Variants in SPAG17 observed in about 807,000 individuals in gnomAD.
The protein encoded by SPAG17 is sperm associated antigen 17.
In SPAG17, 169 loss-of-function variants were observed where a neutral mutation model predicts 273.6. The observed-to-expected ratio is 0.62, with a 90% CI of 0.55 to 0.70. SPAG17 has a LOEUF of 0.70. Ranked by LOEUF, SPAG17 falls within the 30% of genes least tolerant of loss-of-function variation. The pLI is 0.00. For synonymous variants in SPAG17, 825 were observed against 873.2 expected (o/e 0.94, Z 0.97); for missense variants, 2,557 against 2,627.8 (o/e 0.97, Z 0.59).
chr1:117,994,574 T>G, intron 34 of SPAG17, 44 bp from the exon 35 acceptor site: 2 of 1,563,908 alleles, frequency 1.3e-6, no homozygotes, highest in Non-Finnish European at 1.7e-6. Context: ...CCATTGAAAG[T>G]ACTCAGAGAA....
intron 4 of SPAG17, 129 bp downstream of exon 4, chr1:118,115,181 G>A: frequency 2.0e-6 from 2 of 991,586 alleles, no homozygotes; most frequent in Non-Finnish European, 3.1e-6. Context: ...AGAAGTTGAG[G>A]TGACAGCCAA....
rs550166996 is a variant in SPAG17 at position 118,084,051 on chromosome 1, G to A, written c.1762+1871C>T. On this transcript the variant is annotated intron_variant, in intron 13 of 48. Coordinates refer to ENST00000336338, the MANE Select transcript of SPAG17 (RefSeq NM_206996.4). ...AGCAGGAACAAAAATGCTGTGCTGC[G>A]TAGAGAGCTGAGCTGAAGGGAGAAT... Among the ~76,000 whole-genome samples, 16 of 152,240 alleles carry A rather than the reference G, an allele frequency of 1.1e-4. No individual in the cohort carries two copies. The East Asian group carries it at 1.5e-3, about 15-fold the overall frequency.
intron 45 of SPAG17, among the ~76,000 whole-genome samples, chr1:117,971,242 A>C (rs1242495937): frequency 6.6e-6 from 1 of 152,222 alleles, no homozygotes; most frequent in Non-Finnish European, 1.5e-5. Context: ...GGTTTGGTAG[A>C]GGTATATGGT....
intron 30 of SPAG17, among the ~76,000 whole-genome samples, chr1:118,010,055 G>C (rs1467270291): frequency 3.9e-5 from 6 of 152,046 alleles, no homozygotes; most frequent in Non-Finnish European, 8.8e-5. Flanking sequence ...TGCAAGTAGA[G>C]AGTAGAATGG....
Position 117,966,604 on chromosome 1 carries a change from G to T in SPAG17, c.6532+5C>A. ...TGATTACTCAAGTTGAACTTTAAAG[G>T]ATATTTGCTTCCACAGGTAGGAACA... is the stretch of plus-strand genomic sequence containing the variant. On this transcript the variant is annotated splice_donor_5th_base_variant and intron_variant, in intron 47 of 48. Transcript: ENST00000336338. 6.2e-7 allele frequency: 1 copy of T among 1,600,630 alleles called. No homozygotes were observed. Among genetic ancestry groups the T allele is most frequent in the Non-Finnish European group, 8.5e-7 (1 of 1,175,362 alleles).
At chr1:117,954,336 C>T (rs1282532056) in intron 48 of SPAG17, among the ~76,000 whole-genome samples, 1 of 152,042 alleles carries the variant, frequency 6.6e-6, no homozygotes, top group African/African-American at 2.4e-5. Flanking sequence ...TAGAAACCCA[C>T]GTTCTATGTT....
At position 117,973,437 on chromosome 1, in the gene SPAG17, T is replaced by G; in HGVS notation, c.6129A>C (p.Gln2043His). 2 of 1,613,272 alleles carry G rather than the reference T, an allele frequency of 1.2e-6. No homozygotes were observed. Among genetic ancestry groups the G allele is most frequent in the Non-Finnish European group, 1.7e-6 (2 of 1,179,440 alleles). ...HYLLSSKPKS[Q>H]PLAKVQDSVG... Reference sequence around the variant, plus strand: ...ATGTTTGTTTTACCTTTGCAAGAGGTTGAGACTTAGGCTTGGAACTCAGCA... The same window carrying G: ...ATGTTTGTTTTACCTTTGCAAGAGGGTGAGACTTAGGCTTGGAACTCAGCA... Residue 2043 changes from glutamine to histidine, a missense_variant, in exon 44 of 49, where the codon CAA (glutamine) becomes CAC (histidine). Transcript: ENST00000336338.
At chr1:118,004,141 T>C (rs904647378) in intron 32 of SPAG17, among the ~76,000 whole-genome samples, 1 of 152,154 alleles carries the variant, frequency 6.6e-6, no homozygotes, top group Non-Finnish European at 1.5e-5. Context: ...GAACAACAAA[T>C]ATTGCAGAAC....
At chr1:118,095,442 T>G (rs1399790377) in intron 7 of SPAG17, among the ~76,000 whole-genome samples, 1 of 152,220 alleles carries the variant, frequency 6.6e-6, no homozygotes, top group African/African-American at 2.4e-5. Context: ...CTCCTCTGAA[T>G]GAATTATGGT....
chr1:118,144,639 A>G (rs1252498417), intron 3 of SPAG17, among the ~76,000 whole-genome samples: 1 of 152,176 alleles, frequency 6.6e-6, no homozygotes, highest in African/African-American at 2.4e-5. Flanking sequence ...CTATTTTGAT[A>G]GTGGTTTCTA....
chr1:118,099,530 C>A (rs1424817367), intron 6 of SPAG17, 76 bp downstream of exon 6: 3 of 1,330,718 alleles, frequency 2.3e-6, no homozygotes, highest in East Asian at 2.3e-5. Flanking sequence ...ATGTTTTGGA[C>A]AGAAAATTAT....
intron 3 of SPAG17, among the ~76,000 whole-genome samples, chr1:118,127,864 C>T (rs566840136): frequency 6.6e-6 from 1 of 152,250 alleles, no homozygotes; most frequent in South Asian, 2.1e-4. Flanking sequence ...TGGCTCATGC[C>T]TATAATCCTA....
chr1:118,178,172 A>T (rs984348040), intron 1 of SPAG17, among the ~76,000 whole-genome samples: 2 of 152,090 alleles, frequency 1.3e-5, no homozygotes, highest in African/African-American at 4.8e-5. Context: ...AAAATGGCCA[A>T]AACCGCAATT....
intron 3 of SPAG17, among the ~76,000 whole-genome samples, chr1:118,116,442 G>C (rs1657083405): frequency 6.6e-6 from 1 of 152,014 alleles, no homozygotes; most frequent in African/African-American, 2.4e-5. Flanking sequence ...TCCCCCCTTG[G>C]AGTAATCACT....
chr1:118,041,462 C>T (rs142447308), intron 21 of SPAG17, among the ~76,000 whole-genome samples: 317 of 152,030 alleles, frequency 2.1e-3, no homozygotes, highest in African/African-American at 7.3e-3. Flanking sequence ...ATGTAGTCAG[C>T]AAGTCTCATC....
chr1:118,049,600 C>T (rs1241491698), intron 20 of SPAG17, among the ~76,000 whole-genome samples: 1 of 152,142 alleles, frequency 6.6e-6, no homozygotes, highest in Admixed American at 6.6e-5. Context: ...CCGTGCTACC[C>T]AAAGTGATCT....
At chr1:118,171,177 T>C (rs950275132) in intron 1 of SPAG17, among the ~76,000 whole-genome samples, 2 of 152,064 alleles carry the variant, frequency 1.3e-5, no homozygotes, top group African/African-American at 2.4e-5. Context: ...AGACTGAATA[T>C]GGGGAAAGAT....
At chr1:118,056,173 TA>T (rs1311669369) in intron 18 of SPAG17, among the ~76,000 whole-genome samples, 1 of 151,936 alleles carries the variant, frequency 6.6e-6, no homozygotes, top group Non-Finnish European at 1.5e-5. Context: ...GTTTAAGAAA[TA>T]AAAAAAGAAA....
intron 3 of SPAG17, 139 bp from the exon 4 acceptor site, chr1:118,115,580 G>T: frequency 1.2e-6 from 1 of 848,910 alleles, no homozygotes. Context: ...AAAAAAAAAA[G>T]TTAGGGAAAA....
Sources: gnomAD v4.1 joint callset for allele counts (sites outside exome capture counted in the v4.1 genomes callset) on GRCh38, gnomAD v4.1.1 for gene constraint, MANE v1.5 for transcripts, NCBI Gene and HGNC (gene_info 2026-07-23, HGNC 2026-07-21) for gene names.